Variants in DCDC2C observed in about 807,000 individuals in gnomAD.
DCDC2C encodes the protein doublecortin domain containing 2C.
In DCDC2C, 44 loss-of-function variants were observed where a neutral mutation model predicts 45.0. The ratio of observed to expected loss-of-function variants is 0.98; its 90% CI spans 0.77 to 1.26. The LOEUF is 1.26. DCDC2C is among the 50% of genes most tolerant of loss of function. DCDC2C has a pLI of 0.00. For synonymous variants in DCDC2C, 187 were observed against 178.8 expected, an observed-to-expected ratio of 1.05 and a Z score of -0.37; for missense variants, 447 against 468.9, an observed-to-expected ratio of 0.95 and a Z score of 0.43.
At chr2:3,748,374 G>A (rs1166610968) in intron 4 of DCDC2C, among the ~76,000 whole-genome samples, 2 of 139,504 alleles carry the variant, frequency 1.4e-5, no homozygotes, top group Non-Finnish European at 3.1e-5. Context: ...TGGGGGTGGG[G>A]AGTGTGTGGT....
intron 2 of DCDC2C, 114 bp from the exon 3 acceptor site, chr2:3,726,889 C>T: frequency 1.1e-6 from 1 of 938,138 alleles, no homozygotes; most frequent in Non-Finnish European, 1.6e-6. Context: ...GTTCTATTGA[C>T]AAAGGGGTTC....
At chr2:3,824,322 A>G (rs1352151365) in intron 10 of DCDC2C, among the ~76,000 whole-genome samples, 1 of 152,250 alleles carries the variant, frequency 6.6e-6, no homozygotes, top group Non-Finnish European at 1.5e-5. Flanking sequence ...TAGACTTCAC[A>G]GGCTATACCA....
chr2:3,718,740 T>A (rs569943245), intron 2 of DCDC2C, among the ~76,000 whole-genome samples: 1 of 152,076 alleles, frequency 6.6e-6, no homozygotes, highest in Admixed American at 6.5e-5. Flanking sequence ...GTGTCTGGAG[T>A]TGGTTCCTGC....
At chr2:3,829,077 A>G (rs1001841359) in intron 10 of DCDC2C, among the ~76,000 whole-genome samples, 1 of 152,198 alleles carries the variant, frequency 6.6e-6, no homozygotes, top group Admixed American at 6.5e-5. Context: ...TCACACTTCC[A>G]GTGGCCCCGG....
intron 9 of DCDC2C, among the ~76,000 whole-genome samples, chr2:3,783,563 A>C (rs1399510817): frequency 6.6e-6 from 1 of 152,246 alleles, no homozygotes; most frequent in Non-Finnish European, 1.5e-5. Flanking sequence ...CATTTTCTGA[A>C]GGAAGAGTCT....
At chr2:3,753,037 GA>G in intron 5 of DCDC2C, 137 bp downstream of exon 5, 1 of 1,065,928 alleles carries the variant, frequency 9.4e-7, no homozygotes, top group Non-Finnish European at 1.3e-6. Context: ...TTTAATGTAT[GA>G]TACAATTTTA....
At chr2:3,727,342 C>T (rs1018184444) in intron 3 of DCDC2C, among the ~76,000 whole-genome samples, 24 of 152,106 alleles carry the variant, frequency 1.6e-4, no homozygotes, top group African/African-American at 4.8e-4. Context: ...ATCACCATGC[C>T]GTTGTTTGCA....
Position 3,703,711 on chromosome 2 carries a change from G to C in DCDC2C, c.-41G>C. ...TGCAGGCGTCGCTGCCCGCGCTGCCGCAGCCTCTCGGCCCCGGCGAGCGAG... is the reference window on the plus strand; with the variant it reads ...TGCAGGCGTCGCTGCCCGCGCTGCCCCAGCCTCTCGGCCCCGGCGAGCGAG... On this transcript the variant is annotated 5_prime_UTR_variant, in exon 1 of 11. Coordinates refer to ENST00000399143, the MANE Select transcript of DCDC2C (RefSeq NM_001287444.2). This position sits in a 1 kb window ranked among gnomAD's most constrained non-coding sequence, Gnocchi z 4.4. The C allele has an allele frequency of 8.2e-7, 1 of 1,225,802 alleles. No homozygotes were observed. The highest frequency in any genetic ancestry group is 1.0e-6 in the Non-Finnish European group (1 of 983,926). 75.9% of individuals were successfully genotyped at this position (1,225,802 alleles called of 1,614,324 possible). A position where few individuals can be genotyped will look rare whatever the true frequency, so the allele number is the denominator to read the frequency against.
chr2:3,708,985 C>T (rs181542846), intron 2 of DCDC2C, among the ~76,000 whole-genome samples: 2 of 152,286 alleles, frequency 1.3e-5, no homozygotes, highest in East Asian at 1.9e-4. Context: ...CCCAAGTGCT[C>T]AACATTTTTG....
chr2:3,722,502 T>TA (rs1339029073), intron 2 of DCDC2C, among the ~76,000 whole-genome samples: 1 of 152,174 alleles, frequency 6.6e-6, no homozygotes, highest in African/African-American at 2.4e-5. Flanking sequence ...TTGGGGGAGA[T>TA]ACACCTGTGG....
intron 4 of DCDC2C, among the ~76,000 whole-genome samples, chr2:3,744,716 A>G (rs1034579832): frequency 6.6e-6 from 1 of 152,230 alleles, no homozygotes; most frequent in Admixed American, 6.5e-5. Flanking sequence ...TTGTGATACC[A>G]ACGATGAAAA....
intron 10 of DCDC2C, among the ~76,000 whole-genome samples, chr2:3,831,450 G>A (rs544576525): frequency 1.6e-4 from 25 of 152,102 alleles, no homozygotes; most frequent in Non-Finnish European, 2.5e-4. Context: ...GAATAACATC[G>A]GCAACTGTAA....
At chr2:3,758,135 G>C (rs919003031) in intron 6 of DCDC2C, among the ~76,000 whole-genome samples, 1 of 152,254 alleles carries the variant, frequency 6.6e-6, no homozygotes, top group Admixed American at 6.5e-5. Context: ...CTGAAAAACT[G>C]TGACATTCCC....
At chr2:3,744,690 G>A (rs1452958129) in intron 4 of DCDC2C, among the ~76,000 whole-genome samples, 2 of 152,182 alleles carry the variant, frequency 1.3e-5, no homozygotes, top group East Asian at 3.9e-4. Flanking sequence ...ATCCAAGAGT[G>A]ATTTACAGTC....
chr2:3,714,641 G>A (rs1279180406), intron 2 of DCDC2C, among the ~76,000 whole-genome samples: 1 of 152,194 alleles, frequency 6.6e-6, no homozygotes, highest in Non-Finnish European at 1.5e-5. Flanking sequence ...GATCACTGAA[G>A]CCTACCAATG....
At chr2:3,819,019 A>C (rs1256511235) in intron 10 of DCDC2C, among the ~76,000 whole-genome samples, 2 of 152,176 alleles carry the variant, frequency 1.3e-5, no homozygotes, top group African/African-American at 2.4e-5. Flanking sequence ...GAAGCAAGGG[A>C]AACAGGCCCT....
chr2:3,742,060 C>T lies in DCDC2C; in HGVS notation c.545+12C>T. ...GGAGGCGTTCGGAAGTAAGGAGACT[C>T]TCGCCTTTAGGACAGCCAGGGGGCG... On this transcript the variant is annotated intron_variant, in intron 4 of 10. Transcript: ENST00000399143. 6.6e-7 allele frequency: 1 copy of T among 1,525,750 alleles called. No individual in the cohort carries two copies. The highest frequency in any genetic ancestry group is 8.8e-7 in the Non-Finnish European group (1 of 1,137,068). The allele number at this position is 1,525,750 out of a possible 1,614,324, so 94.5% of individuals were successfully genotyped here.
chr2:3,713,525 C>G (rs1668274267), intron 2 of DCDC2C, among the ~76,000 whole-genome samples: 1 of 152,198 alleles, frequency 6.6e-6, no homozygotes, highest in Admixed American at 6.5e-5. Context: ...TGTCTCGGCC[C>G]TAAAAGCTCC....
chr2:3,846,361 C>G (rs1429820694), intron 10 of DCDC2C, among the ~76,000 whole-genome samples: 1 of 152,022 alleles, frequency 6.6e-6, no homozygotes, highest in East Asian at 1.9e-4. Flanking sequence ...TCTCAAGCAT[C>G]CTCCCACCTC....
Sources: allele counts gnomAD v4.1 joint callset (sites outside exome capture counted in the v4.1 genomes callset), GRCh38; gene constraint gnomAD v4.1.1; non-coding constraint Gnocchi (gnomAD v3.1); transcripts MANE v1.5; gene names NCBI Gene and HGNC (gene_info 2026-07-23, HGNC 2026-07-21).